The following FAM50B variants were observed in gnomAD, a reference collection of about 807,000 sequenced individuals.
The protein encoded by FAM50B is family with sequence similarity 50 member B, also known as protein FAM50B.
Under a neutral mutation model 25.4 loss-of-function variants are expected in FAM50B, and 9 were observed. The ratio of observed to expected loss-of-function variants is 0.35; its 90% CI spans 0.21 to 0.62. The LOEUF (loss-of-function observed/expected upper bound fraction) is 0.62, where lower values mean the gene tolerates loss of function less well. Ranked by LOEUF, FAM50B falls within the 20% of genes least tolerant of loss-of-function variation. FAM50B has a pLI of 0.73. For synonymous variants in FAM50B, 212 were observed against 204.3 expected (o/e 1.04, Z -0.32); for missense variants, 372 against 477.9 (o/e 0.78, Z 2.07).
At chr6:3,843,368 A>G in the FAM50B span, among the ~76,000 whole-genome samples, 1 of 152,350 alleles carries the variant, frequency 6.6e-6, no homozygotes, top group South Asian at 2.1e-4. Context: ...TAACCCTTTC[A>G]GGATTACTTT....
At chr6:3,835,889 C>T in the FAM50B span, among the ~76,000 whole-genome samples, 8 of 152,278 alleles carry the variant, frequency 5.3e-5, no homozygotes, top group South Asian at 1.7e-3. Context: ...TCTTTGGGTG[C>T]CGCATTTCCA....
the FAM50B span, among the ~76,000 whole-genome samples, chr6:3,842,737 C>T: frequency 7.1e-4 from 108 of 152,308 alleles, 1 homozygote; most frequent in African/African-American, 2.5e-3. Flanking sequence ...AAGCCCCATA[C>T]TGGTGAAAAC....
At chr6:3,840,339 G>T in the FAM50B span, among the ~76,000 whole-genome samples, 2 of 152,044 alleles carry the variant, frequency 1.3e-5, no homozygotes, top group Non-Finnish European at 1.5e-5. Context: ...TGGGCATGGT[G>T]GGGGGTGCCT....
At chr6:3,834,094 G>A in the FAM50B span, among the ~76,000 whole-genome samples, 1 of 151,520 alleles carries the variant, frequency 6.6e-6, no homozygotes, top group Non-Finnish European at 1.5e-5. Context: ...ACCCTTTTTT[G>A]GAAAAAATTG....
In FAM50B at chr6:3,850,796, C is replaced by T. The variant is rs1328821129; in HGVS notation, c.*7C>T. On this transcript the variant is annotated 3_prime_UTR_variant, in exon 2 of 2. Coordinates refer to ENST00000648326, the MANE Select transcript of FAM50B (RefSeq NM_012135.3). ...CAAGTACACCATCCGCTAACACCCGCCTGCCAGAGCGGAAACCGGGGGTGG... is the reference window on the plus strand; with the variant it reads ...CAAGTACACCATCCGCTAACACCCGTCTGCCAGAGCGGAAACCGGGGGTGG... 6.2e-7 allele frequency: 1 copy of T among 1,610,832 alleles called. No individual in the cohort carries two copies. Among genetic ancestry groups the T allele is most frequent in the Non-Finnish European group, 8.5e-7 (1 of 1,177,986 alleles).
chr6:3,842,440 A>G, the FAM50B span, among the ~76,000 whole-genome samples: 1 of 152,222 alleles, frequency 6.6e-6, no homozygotes, highest in Admixed American at 6.5e-5. Flanking sequence ...GGAGGGGGAC[A>G]TTCCTGATAC....
chr6:3,838,859 AAC>A, the FAM50B span, among the ~76,000 whole-genome samples: 2,867 of 143,216 alleles, frequency 0.02, 114 homozygotes, highest in South Asian at 0.033. Context: ...AAAAAAAAAA[AAC>A]ACACACACAA....
At chr6:3,835,871 A>G in the FAM50B span, among the ~76,000 whole-genome samples, 1 of 152,212 alleles carries the variant, frequency 6.6e-6, no homozygotes, top group Non-Finnish European at 1.5e-5. Context: ...TCCACTCTGC[A>G]TGCCATGTCT....
chr6:3,834,312 A>T, the FAM50B span, among the ~76,000 whole-genome samples: 1 of 151,124 alleles, frequency 6.6e-6, no homozygotes, highest in South Asian at 2.1e-4. Flanking sequence ...AGCTTTGGCT[A>T]CATAAAAATT....
chr6:3,850,664 G>A lies in FAM50B; in HGVS notation c.853G>A (p.Asp285Asn). The change falls in exon 2 of 2, where the codon GAC becomes AAC. Residue 285 changes from aspartate (D) to asparagine (N), a missense_variant. By Grantham distance (23) the Asp-to-Asn change is conservative. Transcript: ENST00000648326. ...GCTCAGCGACGCCACCATGGAGAAG[G>A]ACGAGTCGCACGCGGGCAAGGTGGT... ...RLLSDATMEK[D>N]ESHAGKVVLR... 6.2e-7 allele frequency: 1 copy of A among 1,614,152 alleles called. No individual in the cohort carries two copies. The highest frequency in any genetic ancestry group is 8.5e-7 in the Non-Finnish European group (1 of 1,180,040).
At chr6:3,832,589 G>T in the FAM50B span, among the ~76,000 whole-genome samples, 4 of 152,134 alleles carry the variant, frequency 2.6e-5, no homozygotes, top group Admixed American at 6.5e-5. Context: ...AAAAATGTGG[G>T]GTAACAACAT....
the FAM50B span, among the ~76,000 whole-genome samples, chr6:3,837,779 G>A: frequency 1.5e-5 from 2 of 137,236 alleles, no homozygotes; most frequent in Admixed American, 7.1e-5. Flanking sequence ...AGAGAGAGCT[G>A]AACTGGCTTT....
chr6:3,840,199 T>C, the FAM50B span, among the ~76,000 whole-genome samples: 13 of 152,080 alleles, frequency 8.5e-5, 1 homozygote, highest in Admixed American at 2.6e-4. Context: ...TTCACCGTGT[T>C]AGCCAGGATG....
At chr6:3,841,188 G>A in the FAM50B span, among the ~76,000 whole-genome samples, 71,526 of 152,026 alleles carry the variant, frequency 0.47, 17,169 homozygotes, top group Non-Finnish European at 0.49. Flanking sequence ...CTGTCACTGG[G>A]GCAGTATCTT....
In FAM50B at chr6:3,850,154, C is replaced by A. The variant is rs1425587598; in HGVS notation, c.343C>A (p.Arg115Ser). The A allele has an allele frequency of 2.5e-6, 4 of 1,612,746 alleles. No homozygotes were observed. The highest frequency in any genetic ancestry group is 3.4e-6 in the Non-Finnish European group (4 of 1,179,794). The change falls in exon 2 of 2, where the codon CGT becomes AGT. Residue 115 changes from arginine to serine, a missense_variant. Physicochemically the swap from Arg to Ser is moderately radical, Grantham distance 110. Around this residue, in one of 4 missense-constraint regions of FAM50B, gnomAD observed 224 missense variants for 232.2 expected, o/e 0.96. Transcript: ENST00000648326. ...REQEQRRERK[R>S]KISCLSFALD... ...GCAGGAGCAGCGGCGCGAGCGCAAG[C>A]GTAAGATCTCCTGCCTGTCCTTTGC...
At chr6:3,840,833 C>A in the FAM50B span, among the ~76,000 whole-genome samples, 3 of 152,186 alleles carry the variant, frequency 2.0e-5, no homozygotes, top group Non-Finnish European at 4.4e-5. Flanking sequence ...TCAATACTTA[C>A]ATAACTATAT....
Position 3,850,519 on chromosome 6 carries a change from G to T in FAM50B, c.708G>T (p.Met236Ile). The T allele has an allele frequency of 6.2e-7, 1 of 1,613,898 alleles. No homozygotes were observed. The change falls in exon 2 of 2, where the codon ATG becomes ATT. Residue 236 changes from methionine (M) to isoleucine (I), a missense_variant. Transcript: ENST00000648326. ...ELRSAGVEQL[M>I]FIKEDLILPH... Reference sequence around the variant, plus strand: ...GCTCCGCCGGCGTGGAGCAGCTCATGTTCATCAAGGAGGACCTCATCCTGC... The same window carrying T: ...GCTCCGCCGGCGTGGAGCAGCTCATTTTCATCAAGGAGGACCTCATCCTGC...
At chr6:3,845,976 C>T (rs1356410500), upstream of FAM50B, among the ~76,000 whole-genome samples, 1 of 152,134 alleles carries the variant, frequency 6.6e-6, no homozygotes, top group Middle Eastern at 3.2e-3. Context: ...CCGCCTCGGC[C>T]TCCCAAAGTG....
chr6:3,832,818 C>T, the FAM50B span, among the ~76,000 whole-genome samples: 2 of 152,064 alleles, frequency 1.3e-5, no homozygotes, highest in Non-Finnish European at 2.9e-5. Flanking sequence ...TCATGGCTCA[C>T]CCTTATGTTG....
Sources: allele counts gnomAD v4.1 joint callset (sites outside exome capture counted in the v4.1 genomes callset), GRCh38; gene constraint gnomAD v4.1.1; regional missense constraint gnomAD v4.1.1; transcripts MANE v1.5; gene names NCBI Gene and HGNC (gene_info 2026-07-23, HGNC 2026-07-21).